The following GSE1 variants were observed in gnomAD, a reference collection of about 807,000 sequenced individuals.
The protein encoded by GSE1 is genetic suppressor element 1.
In GSE1, 32 loss-of-function variants were observed where a neutral mutation model predicts 112.6. The ratio of observed to expected loss-of-function variants is 0.28; its 90% CI spans 0.21 to 0.38. The LOEUF (loss-of-function observed/expected upper bound fraction) is 0.38. Among genes scored for constraint, GSE1 ranks in the 10% least tolerant of loss-of-function variants. The pLI, the probability that GSE1 is intolerant of heterozygous loss-of-function variation, is 1.00. For synonymous variants in GSE1, 1,115 were observed against 735.6 expected, an observed-to-expected ratio of 1.52 and a Z score of -8.35; for missense variants, 2,348 against 1,699.2, an observed-to-expected ratio of 1.38 and a Z score of -6.71.
intron 2 of GSE1, among the ~76,000 whole-genome samples, chr16:85,472,309 C>T (rs2050319703): frequency 1.3e-5 from 2 of 152,190 alleles, no homozygotes; most frequent in Admixed American, 1.3e-4. Context: ...TGTGCTCCCT[C>T]TGGAGGCCTG....
At chr16:85,484,848 C>T (rs968207388) in intron 2 of GSE1, among the ~76,000 whole-genome samples, 2 of 152,234 alleles carry the variant, frequency 1.3e-5, no homozygotes, top group Admixed American at 6.5e-5. Context: ...CCTTGGGCCC[C>T]GTTTCCAGTT....
chr16:85,627,413 G>T (rs556680564), intron 1 of GSE1, among the ~76,000 whole-genome samples: 2 of 152,032 alleles, frequency 1.3e-5, no homozygotes, highest in Non-Finnish European at 2.9e-5. Flanking sequence ...TGAAGAAGGG[G>T]TATGTCCCCT....
At chr16:85,541,372 G>A (rs1438818048) in intron 2 of GSE1, among the ~76,000 whole-genome samples, 1 of 152,244 alleles carries the variant, frequency 6.6e-6, no homozygotes, top group East Asian at 1.9e-4. Flanking sequence ...CAGAGGCGGA[G>A]CCTGGGTACC....
At chr16:85,564,968 G>A (rs2045676152) in intron 1 of GSE1, among the ~76,000 whole-genome samples, 1 of 152,168 alleles carries the variant, frequency 6.6e-6, no homozygotes, top group Non-Finnish European at 1.5e-5. Context: ...GTGGCCAGGG[G>A]ATGGTGAAGT....
chr16:85,413,877 G>C (rs1188696017), intron 2 of GSE1, among the ~76,000 whole-genome samples: 7 of 152,180 alleles, frequency 4.6e-5, no homozygotes, highest in Admixed American at 4.6e-4. Flanking sequence ...TCTCGTGATA[G>C]TGAGTGAGTT....
intron 2 of GSE1, among the ~76,000 whole-genome samples, chr16:85,496,900 G>GT (rs68076025): frequency 0.053 from 7,747 of 147,028 alleles, 650 homozygotes; most frequent in African/African-American, 0.18. Context: ...CTGGGTCTTT[G>GT]TTGTTTTTTT....
chr16:85,609,757 G>T (rs111976235), upstream of GSE1, among the ~76,000 whole-genome samples: 4,195 of 152,108 alleles, frequency 0.028, 173 homozygotes, highest in African/African-American at 0.084. Flanking sequence ...TGGGCTCAAG[G>T]GATCCTCCTA....
At chr16:85,404,022 G>A (rs1314353181) in intron 2 of GSE1, among the ~76,000 whole-genome samples, 1 of 13,470 alleles carries the variant, frequency 7.4e-5, no homozygotes, top group East Asian at 3.3e-3. Context: ...CCGTCCTTAC[G>A]GGGCCTTTCC....
Position 85,373,434 on chromosome 16 carries a change from G to T in GSE1, c.2464+15791G>T, listed in dbSNP as rs2047344104. On this transcript the variant is annotated intron_variant, in intron 2 of 2. Transcript: ENST00000637419. The surrounding 1 kb of genome is among the most constrained non-coding windows in gnomAD (Gnocchi z 5.1). ...GCAAGGGAGGGAAGAGCAGAGGAGG[G>T]GAGGGGACGAGAACCTCTCCCCCTC... is the stretch of plus-strand genomic sequence containing the variant. Among the ~76,000 whole-genome samples the T allele has an allele frequency of 6.6e-6, 1 of 152,108 alleles. No homozygotes were observed. The highest frequency in any genetic ancestry group is 6.5e-5 in the Admixed American group (1 of 15,282).
intron 1 of GSE1, among the ~76,000 whole-genome samples, chr16:85,297,860 T>C (rs562266110): frequency 2.1e-4 from 32 of 152,284 alleles, no homozygotes; most frequent in Non-Finnish European, 3.5e-4. Context: ...TGCTGGGATA[T>C]GAAATCTCCA....
intron 2 of GSE1, among the ~76,000 whole-genome samples, chr16:85,505,867 C>G (rs1327079423): frequency 2.0e-5 from 3 of 151,894 alleles, no homozygotes; most frequent in Non-Finnish European, 4.4e-5. Flanking sequence ...AGCTGAGCAT[C>G]GTGGTGCAAG....
intron 1 of GSE1, among the ~76,000 whole-genome samples, chr16:85,243,563 C>T (rs961587785): frequency 6.6e-6 from 1 of 152,326 alleles, no homozygotes; most frequent in Admixed American, 6.5e-5. Flanking sequence ...GGAAATAAAC[C>T]ACAGGAGCCA....
intron 2 of GSE1, among the ~76,000 whole-genome samples, chr16:85,370,762 G>A (rs2047281321): frequency 6.6e-6 from 1 of 152,232 alleles, no homozygotes; most frequent in Non-Finnish European, 1.5e-5. Context: ...GCTGCTGGAT[G>A]ACTCTGCGAG....
chr16:85,284,493 G>T (rs2044956508), intron 1 of GSE1, among the ~76,000 whole-genome samples: 1 of 152,132 alleles, frequency 6.6e-6, no homozygotes, highest in South Asian at 2.1e-4. Flanking sequence ...AACTCCCCAG[G>T]CCCCCAGGAC....
intron 2 of GSE1, among the ~76,000 whole-genome samples, chr16:85,364,585 G>A (rs1299543735): frequency 3.3e-5 from 5 of 152,162 alleles, no homozygotes; most frequent in African/African-American, 9.7e-5. Context: ...TCAGGATCCC[G>A]GATTCTCTTC....
chr16:85,472,418 C>A (rs921631890), intron 2 of GSE1, among the ~76,000 whole-genome samples: 1 of 152,316 alleles, frequency 6.6e-6, no homozygotes, highest in Non-Finnish European at 1.5e-5. Context: ...CCTCCCGCGG[C>A]CTTCTTTCTG....
intron 1 of GSE1, among the ~76,000 whole-genome samples, chr16:85,195,702 C>T (rs1439172857): frequency 6.6e-6 from 1 of 152,168 alleles, no homozygotes; most frequent in East Asian, 1.9e-4. Flanking sequence ...AAATTAACCC[C>T]ATGAACTTAA....
chr16:85,667,882 A>G (rs2053002465), intron 13 of GSE1, among the ~76,000 whole-genome samples: 1 of 143,436 alleles, frequency 7.0e-6, no homozygotes, highest in Non-Finnish European at 1.6e-5. Flanking sequence ...AGTCTCAGAG[A>G]TGAATTCCAA....
At chr16:85,560,341 T>C (rs1598183533) in intron 1 of GSE1, among the ~76,000 whole-genome samples, 1 of 152,100 alleles carries the variant, frequency 6.6e-6, no homozygotes. Context: ...TTTACCATGT[T>C]AGCCAGGATG....
Sources: allele counts gnomAD v4.1 joint callset (sites outside exome capture counted in the v4.1 genomes callset), GRCh38; gene constraint gnomAD v4.1.1; non-coding constraint Gnocchi (gnomAD v3.1); transcripts MANE v1.5; gene names NCBI Gene and HGNC (gene_info 2026-07-23, HGNC 2026-07-21).